GGA2: variants seen among roughly 807,000 people sequenced by gnomAD.
GGA2 encodes golgi associated, gamma adaptin ear containing, ARF binding protein 2, also known as ADP-ribosylation factor-binding protein GGA2.
Under a neutral mutation model 79.5 loss-of-function variants are expected in GGA2, and 48 were observed. The ratio of observed to expected loss-of-function variants is 0.60; its 90% CI spans 0.48 to 0.77. The LOEUF is 0.77. Among genes scored for constraint, GGA2 ranks in the 30% least tolerant of loss-of-function variants. The probability of loss-of-function intolerance (pLI) is 0.00; values close to 1 mark genes in which losing one functional copy is unlikely to be tolerated. For missense variants in GGA2, 770 were observed against 774.0 expected (o/e 0.99, Z 0.06); for synonymous variants, 317 against 302.0 (o/e 1.05, Z -0.51).
At chr16:23,503,961 G>A (rs1460134060) in intron 1 of GGA2, among the ~76,000 whole-genome samples, 1 of 152,076 alleles carries the variant, frequency 6.6e-6, no homozygotes, top group African/African-American at 2.4e-5. Flanking sequence ...CATGCCTGCA[G>A]TCCCAGCTAC....
chr16:23,491,662 T>A lies in GGA2; in HGVS notation c.475+15A>T. On this transcript the variant is annotated intron_variant, in intron 5 of 16. Coordinates refer to ENST00000309859, the MANE Select transcript of GGA2 (RefSeq NM_015044.4). ...CTAGTCAAGAGGAAATAAGACACAGTAAGGCAAGTCAGACCTTGTTTCTTC... is the reference window on the plus strand; with the variant it reads ...CTAGTCAAGAGGAAATAAGACACAGAAAGGCAAGTCAGACCTTGTTTCTTC... 6.2e-7 allele frequency: 1 copy of A among 1,611,648 alleles called. No homozygotes were observed. Among genetic ancestry groups the A allele is most frequent in the Admixed American group, 1.7e-5 (1 of 59,962 alleles).
intron 3 of GGA2, 70 bp downstream of exon 3, chr16:23,494,233 G>A: frequency 1.0e-6 from 1 of 999,214 alleles, no homozygotes; most frequent in Non-Finnish European, 1.6e-6. Flanking sequence ...CTGTGTGGAA[G>A]CAAAGCGCCT....
rs547396301 is a variant in GGA2, at chr16:23,477,111, C to A, written c.1292+1257G>T. On this transcript the variant is annotated intron_variant, in intron 13 of 16. Coordinates refer to ENST00000309859, the MANE Select transcript of GGA2 (RefSeq NM_015044.4). The stretch of plus-strand genomic sequence containing the variant: ...GGACTACAGTCATGACCTACCACGC[C>A]TGGCTAATTTTAGTATTTTTTGTAG... Among the ~76,000 whole-genome samples, 3 of 152,258 alleles carry A rather than the reference C, an allele frequency of 2.0e-5. 1 individual carries two copies. Among genetic ancestry groups the A allele is most frequent in the African/African-American group, 7.2e-5 (3 of 41,564 alleles).
intron 10 of GGA2, 180 bp downstream of exon 10, chr16:23,480,465 A>G (rs1169579100): frequency 3.6e-6 from 2 of 549,520 alleles, no homozygotes; most frequent in African/African-American, 3.7e-5. Flanking sequence ...CCCGGCAACC[A>G]GCTCATGACA....
rs1258357423 is a variant in GGA2, at chr16:23,494,397, A to G, written c.177-19T>C. On this transcript the variant is annotated intron_variant, in intron 2 of 16. Coordinates refer to ENST00000309859, the MANE Select transcript of GGA2 (RefSeq NM_015044.4). ...TGTGGGGCTACAGGGAAACAAAAAG[A>G]CCTAGACTCTGGGCGGGCAAAAAGA... is the stretch of plus-strand genomic sequence containing the variant. 6.4e-7 allele frequency: 1 copy of G among 1,559,272 alleles called. No individual in the cohort carries two copies. The highest frequency in any genetic ancestry group is 2.2e-5 in the East Asian group (1 of 44,586).
At position 23,466,472 on chromosome 16, in the gene GGA2, G is replaced by A. The variant is rs890444701; in HGVS notation, c.*1118C>T. The A allele has an allele frequency of 6.6e-6, 1 of 152,210 alleles. No homozygotes were observed. The highest frequency in any genetic ancestry group is 2.4e-5 in the African/African-American group (1 of 41,458). 9.4% of individuals were successfully genotyped at this position (152,210 alleles called of 1,614,324 possible). ...GTTCTCTCTTCTCTGAGGCAGCTAAGCTTCTACATCCTTCATGAAGTTTCC... is the reference window on the plus strand; with the variant it reads ...GTTCTCTCTTCTCTGAGGCAGCTAAACTTCTACATCCTTCATGAAGTTTCC... On this transcript the variant is annotated 3_prime_UTR_variant, in exon 17 of 17. Coordinates refer to ENST00000309859, the MANE Select transcript of GGA2 (RefSeq NM_015044.4).
intron 1 of GGA2, chr16:23,501,333 G>A (rs927910824): frequency 6.6e-6 from 3 of 457,084 alleles, no homozygotes; most frequent in Non-Finnish European, 1.3e-5. Flanking sequence ...AAGGTTTGGA[G>A]AAATCATGGT....
intron 1 of GGA2, among the ~76,000 whole-genome samples, chr16:23,505,548 C>T (rs1964965309): frequency 6.6e-6 from 1 of 152,204 alleles, no homozygotes; most frequent in Admixed American, 6.5e-5. Flanking sequence ...TGCACAGGCG[C>T]TGCCGTTTGT....
chr16:23,504,108 T>C (rs922990237), intron 1 of GGA2, among the ~76,000 whole-genome samples: 1 of 149,858 alleles, frequency 6.7e-6, no homozygotes, highest in East Asian at 1.9e-4. Flanking sequence ...GTACCTACTA[T>C]GGGTCAGATA....
rs1964421453 is a variant in GGA2 at position 23,465,297 on chromosome 16, T to C, written c.*2293A>G. The C allele has an allele frequency of 1.4e-6, 1 of 702,258 alleles. No homozygotes were observed. Among genetic ancestry groups the C allele is most frequent in the Admixed American group, 2.0e-5 (1 of 49,960 alleles). The allele number at this position is 702,258 out of a possible 1,614,324, so 43.5% of individuals were successfully genotyped here. A position where few individuals can be genotyped will look rare whatever the true frequency, so the allele number is the denominator to read the frequency against. On this transcript the variant is annotated 3_prime_UTR_variant, in exon 17 of 17. Transcript: ENST00000309859. ...ACTGTGCACAGCCAATAACTACTTG[T>C]TAAGTGAATGAAGAGGTAGGAGCTG...
chr16:23,496,001 C>G (rs1240256285), intron 1 of GGA2, among the ~76,000 whole-genome samples: 4 of 152,184 alleles, frequency 2.6e-5, no homozygotes, highest in African/African-American at 9.6e-5. Context: ...TTGAATGAAC[C>G]AGCAAATTAA....
rs1964401801 is a variant in GGA2 at position 23,463,785 on chromosome 16, A to G, written c.*3805T>C. On this transcript the variant is annotated 3_prime_UTR_variant, in exon 17 of 17. Coordinates refer to ENST00000309859, the MANE Select transcript of GGA2 (RefSeq NM_015044.4). Reference sequence around the variant, plus strand: ...AGCCCAGGAGACCAGCCTGGGTAACACAGAGATCCAGTCTTTACGAAAAAC... The same window carrying G: ...AGCCCAGGAGACCAGCCTGGGTAACGCAGAGATCCAGTCTTTACGAAAAAC... 2 of 152,226 alleles carry G rather than the reference A, an allele frequency of 1.3e-5. No homozygotes were observed. Among genetic ancestry groups the G allele is most frequent in the African/African-American group, 4.8e-5 (2 of 41,458 alleles). 9.4% of individuals were successfully genotyped at this position (152,226 alleles called of 1,614,324 possible). A position where few individuals can be genotyped will look rare whatever the true frequency, so the allele number is the denominator to read the frequency against.
intron 13 of GGA2, among the ~76,000 whole-genome samples, chr16:23,475,713 G>A (rs549358887): frequency 1.3e-3 from 193 of 150,990 alleles, no homozygotes; most frequent in Middle Eastern, 6.9e-3. Flanking sequence ...AGACCAGCCC[G>A]GCCGACATGG....
At chr16:23,510,285 G>T (rs2142147464) in intron 1 of GGA2, 36 bp downstream of exon 1, 3 of 1,347,570 alleles carry the variant, frequency 2.2e-6, no homozygotes, top group Non-Finnish European at 2.9e-6. Context: ...CACGTGCGGC[G>T]CAGCGGCTGC....
At chr16:23,498,639 G>A (rs1964884585) in intron 1 of GGA2, among the ~76,000 whole-genome samples, 1 of 152,180 alleles carries the variant, frequency 6.6e-6, no homozygotes, top group Admixed American at 6.5e-5. Flanking sequence ...TAAAGGGGAA[G>A]GGTCTAAAAT....
Position 23,478,910 on chromosome 16 carries a change from T to G in GGA2, c.1131A>C (p.Gly377=). 2 of 1,603,244 alleles carry G rather than the reference T, an allele frequency of 1.2e-6. No homozygotes were observed. Among genetic ancestry groups the G allele is most frequent in the Non-Finnish European group, 1.7e-6 (2 of 1,170,402 alleles). The change falls in exon 12 of 17, where the codon GGA becomes GGC. Residue 377 remains glycine, a splice_region_variant and synonymous_variant. Transcript: ENST00000309859. ...TGCCTGTAACAGGAGCATCACTGAT[T>G]CCTGTAAGAAAGGAGTAGAGTGAGA... ...SLLHQDLAAL[G]ISDAPVTGMV...
intron 1 of GGA2, among the ~76,000 whole-genome samples, chr16:23,505,432 T>C (rs1964964502): frequency 6.6e-6 from 1 of 152,136 alleles, no homozygotes; most frequent in Admixed American, 6.5e-5. Context: ...ACGGGGCGTC[T>C]AAGGCTTTTC....
At chr16:23,501,006 T>C (rs1359671320) in intron 1 of GGA2, 1 of 333,192 alleles carries the variant, frequency 3.0e-6, no homozygotes, top group African/African-American at 2.2e-5. Context: ...GCCTGATCTT[T>C]GACACACATT....
At chr16:23,480,437 G>A (rs1477923426) in intron 10 of GGA2, 1 of 510,138 alleles carries the variant, frequency 2.0e-6, no homozygotes, top group African/African-American at 1.9e-5. Context: ...TTTGTGTGTA[G>A]TCAAAGCTGG....
Sources: allele counts gnomAD v4.1 joint callset (sites outside exome capture counted in the v4.1 genomes callset), GRCh38; gene constraint gnomAD v4.1.1; transcripts MANE v1.5; gene names NCBI Gene and HGNC (gene_info 2026-07-23, HGNC 2026-07-21).